The following SEMA3D variants were observed in gnomAD, a reference collection of about 807,000 sequenced individuals.
SEMA3D encodes semaphorin-3D.
A neutral mutation model predicts 100.1 loss-of-function variants in SEMA3D; 84 were observed. That is an observed-to-expected ratio of 0.84 (90% confidence interval 0.70 to 1.01). SEMA3D has a LOEUF of 1.01. Ranked by LOEUF, SEMA3D falls within the 50% of genes least tolerant of loss-of-function variation. The pLI is 0.00. For synonymous variants in SEMA3D, 312 were observed against 320.7 expected, an observed-to-expected ratio of 0.97 and a Z score of 0.29; for missense variants, 875 against 934.1, an observed-to-expected ratio of 0.94 and a Z score of 0.82.
At chr7:85,162,817 A>G (rs1185167020) in intron 1 of SEMA3D, among the ~76,000 whole-genome samples, 1 of 152,168 alleles carries the variant, frequency 6.6e-6, no homozygotes, top group Non-Finnish European at 1.5e-5. Context: ...CAATCTGCAG[A>G]ACAGAAGGTT....
chr7:85,152,233 T>C (rs903215045), intron 2 of SEMA3D, among the ~76,000 whole-genome samples: 3 of 152,094 alleles, frequency 2.0e-5, no homozygotes, highest in Non-Finnish European at 4.4e-5. Flanking sequence ...AAATAAGTAA[T>C]GAATGAATTA....
intron 6 of SEMA3D, among the ~76,000 whole-genome samples, 170 bp from the exon 7 acceptor site, chr7:85,068,454 A>G (rs1212060668): frequency 6.6e-6 from 1 of 152,146 alleles, no homozygotes; most frequent in Non-Finnish European, 1.5e-5. Context: ...ATCTGGCAAG[A>G]CTTAATAACC....
chr7:85,040,509 C>G (rs1459768886), intron 11 of SEMA3D, among the ~76,000 whole-genome samples, 164 bp downstream of exon 11: 2 of 151,832 alleles, frequency 1.3e-5, no homozygotes, highest in Non-Finnish European at 2.9e-5. Context: ...ATTTTTTACA[C>G]TGATATTAAA....
At chr7:85,199,748 G>C in the SEMA3D span, among the ~76,000 whole-genome samples, 2 of 152,098 alleles carry the variant, frequency 1.3e-5, no homozygotes, top group Admixed American at 6.6e-5. Context: ...ATTTTGAATA[G>C]ATATGATTTT....
At chr7:85,215,178 G>T in the SEMA3D span, among the ~76,000 whole-genome samples, 1 of 146,866 alleles carries the variant, frequency 6.8e-6, no homozygotes, top group East Asian at 2.0e-4. Flanking sequence ...TTCTTGGACT[G>T]TGAAGACTGA....
the SEMA3D span, among the ~76,000 whole-genome samples, chr7:85,193,575 G>A: frequency 1.3e-5 from 2 of 152,066 alleles, no homozygotes; most frequent in African/African-American, 4.8e-5. Context: ...AAGCCAGCCT[G>A]CTTTAGCCTA....
the SEMA3D span, among the ~76,000 whole-genome samples, chr7:85,243,866 A>G: frequency 2.0e-5 from 3 of 152,208 alleles, no homozygotes; most frequent in Non-Finnish European, 4.4e-5. Context: ...TTTATAAATC[A>G]CGTCCATACT....
chr7:85,235,798 G>C, the SEMA3D span, among the ~76,000 whole-genome samples: 4 of 152,246 alleles, frequency 2.6e-5, no homozygotes, highest in East Asian at 7.7e-4. Context: ...TTCTCCATAA[G>C]TAGGAAGGGA....
At chr7:85,105,289 C>T (rs574544059) in intron 3 of SEMA3D, among the ~76,000 whole-genome samples, 26 of 152,094 alleles carry the variant, frequency 1.7e-4, no homozygotes, top group Non-Finnish European at 2.9e-4. Context: ...AAAGCTTCTG[C>T]CCATAACTTC....
the SEMA3D span, among the ~76,000 whole-genome samples, chr7:85,203,927 G>C: frequency 1.3e-5 from 2 of 152,078 alleles, no homozygotes; most frequent in Admixed American, 6.6e-5. Flanking sequence ...ATAAAAAAAT[G>C]CTTCTTAGAG....
At chr7:85,150,321 T>C (rs1454190638) in intron 2 of SEMA3D, among the ~76,000 whole-genome samples, 2 of 144,958 alleles carry the variant, frequency 1.4e-5, no homozygotes, top group Non-Finnish European at 3.0e-5. Context: ...TGGAAAGATA[T>C]TTCTGTTCTA....
At chr7:85,203,918 T>TA in the SEMA3D span, among the ~76,000 whole-genome samples, 2 of 151,942 alleles carry the variant, frequency 1.3e-5, no homozygotes, top group Non-Finnish European at 2.9e-5. Flanking sequence ...GATATTGGAA[T>TA]AAAAAAATGC....
intron 10 of SEMA3D, 155 bp downstream of exon 10, chr7:85,042,015 TC>T: frequency 1.5e-6 from 1 of 648,400 alleles, no homozygotes; most frequent in Non-Finnish European, 2.8e-6. Flanking sequence ...CTAGAGCACT[TC>T]CGTGTACTTT....
intron 1 of SEMA3D, among the ~76,000 whole-genome samples, chr7:85,182,050 C>A (rs1354844219): frequency 6.6e-6 from 1 of 151,894 alleles, no homozygotes; most frequent in Non-Finnish European, 1.5e-5. Flanking sequence ...TGTTTATCAG[C>A]GTATTTCTTG....
chr7:85,240,985 C>G, the SEMA3D span, among the ~76,000 whole-genome samples: 3 of 151,916 alleles, frequency 2.0e-5, no homozygotes, highest in South Asian at 6.2e-4. Flanking sequence ...AACAAACAAT[C>G]CCATCAAATA....
chr7:85,013,034 T>C (rs942103306), intron 16 of SEMA3D, among the ~76,000 whole-genome samples, 188 bp from the exon 17 acceptor site: 11 of 151,780 alleles, frequency 7.2e-5, no homozygotes, highest in Non-Finnish European at 1.3e-4. Flanking sequence ...GAGGTCCAAA[T>C]AGAAGAAATC....
intron 5 of SEMA3D, among the ~76,000 whole-genome samples, chr7:85,077,956 G>T (rs920579678): frequency 6.6e-6 from 1 of 152,036 alleles, no homozygotes; most frequent in African/African-American, 2.4e-5. Flanking sequence ...ATAGGGGATT[G>T]ATTAAATAAT....
chr7:85,243,604 C>T, the SEMA3D span, among the ~76,000 whole-genome samples: 1 of 152,060 alleles, frequency 6.6e-6, no homozygotes, highest in East Asian at 1.9e-4. Flanking sequence ...CAGCTTTTTA[C>T]TTGTTGTTAA....
intron 6 of SEMA3D, among the ~76,000 whole-genome samples, chr7:85,070,393 G>T (rs1470932589): frequency 6.6e-6 from 1 of 152,116 alleles, no homozygotes; most frequent in Non-Finnish European, 1.5e-5. Flanking sequence ...AGCTTTCCCT[G>T]TTTCTTCCCA....
Sources: allele counts gnomAD v4.1 joint callset (sites outside exome capture counted in the v4.1 genomes callset), GRCh38; gene constraint gnomAD v4.1.1; transcripts MANE v1.5; gene names NCBI Gene and HGNC (gene_info 2026-07-23, HGNC 2026-07-21).